Variants in CAPN11 observed in about 807,000 individuals in gnomAD.
CAPN11 encodes calpain-11.
CAPN11 carries 108 observed loss-of-function variants against 105.3 expected under a neutral mutation model. The ratio of observed to expected loss-of-function variants is 1.03; its 90% confidence interval spans 0.88 to 1.20. The LOEUF (loss-of-function observed/expected upper bound fraction) is 1.20. CAPN11 is among the 50% of genes most tolerant of loss of function. The probability of loss-of-function intolerance (pLI) is 0.00; values close to 1 mark genes in which losing one functional copy is unlikely to be tolerated. For missense variants in CAPN11, 883 were observed against 924.8 expected (o/e 0.95, Z 0.59); for synonymous variants, 329 against 344.5 (o/e 0.96, Z 0.50).
At position 44,177,441 on chromosome 6, in the gene CAPN11, G is replaced by A. The variant is rs571456466; in HGVS notation, c.1416+21G>A. 3.4e-4 allele frequency: 546 copies of A among 1,584,278 alleles called. 5 individuals carry two copies. The South Asian group carries it at 4.7e-3, about 14-fold the overall frequency. On this transcript the variant is annotated intron_variant, in intron 12 of 22. Transcript: ENST00000398776. ...ACGCGGTGGGTGCCTGGCTGGTCTC[G>A]CCCGCCACTCACTCTCCCTCACCTG...
In CAPN11 at chr6:44,173,321, C is replaced by T. The variant is rs768686523; in HGVS notation, c.766C>T (p.Gln256Ter). Residue 256 changes from glutamine to a stop codon, truncating the protein, a stop_gained, in exon 7 of 23, where the codon CAG (glutamine) becomes TAG (stop). Transcript: ENST00000398776. LOFTEE classifies it high-confidence loss of function. Reference sequence around the variant, plus strand: ...GAGCTTCCAACTCCAGAGGCCCCCTCAGAACCTGCTCAGGCTCCTTAGGAA... The same window carrying T: ...GAGCTTCCAACTCCAGAGGCCCCCTTAGAACCTGCTCAGGCTCCTTAGGAA... Reference protein sequence around the residue: ...AQSFQLQRPPQNLLRLLRKAV... With the variant: ...AQSFQLQRPP The T allele has an allele frequency of 1.2e-6, 2 of 1,613,942 alleles. No individual in the cohort carries two copies. The highest frequency in any genetic ancestry group is 1.7e-6 in the Non-Finnish European group (2 of 1,179,872).
chr6:44,172,596 T>A (rs1771200789), intron 5 of CAPN11, among the ~76,000 whole-genome samples, 176 bp downstream of exon 5: 1 of 152,202 alleles, frequency 6.6e-6, no homozygotes, highest in African/African-American at 2.4e-5. Context: ...ATTTTTTAAG[T>A]CCCAAAAGAA....
At chr6:44,163,575 A>G (rs555483317) in intron 1 of CAPN11, among the ~76,000 whole-genome samples, 1 of 152,162 alleles carries the variant, frequency 6.6e-6, no homozygotes, top group Non-Finnish European at 1.5e-5. Flanking sequence ...TTCTCTGTCT[A>G]TAGCAGGGAA....
At chr6:44,180,281 C>G in intron 14 of CAPN11, 118 bp downstream of exon 14, 1 of 931,408 alleles carries the variant, frequency 1.1e-6, no homozygotes, top group Non-Finnish European at 1.6e-6. Context: ...GTCAGGGAAA[C>G]TGAGGCATGA....
chr6:44,171,062 G>A (rs958265689), intron 4 of CAPN11, among the ~76,000 whole-genome samples: 1 of 152,152 alleles, frequency 6.6e-6, no homozygotes, highest in Admixed American at 6.5e-5. Flanking sequence ...AGGGACAATG[G>A]GCTGGAGGAG....
Position 44,177,416 on chromosome 6 carries a change from A to G in CAPN11, c.1412A>G (p.Tyr471Cys), listed in dbSNP as rs748730151. 6 of 1,609,930 alleles carry G rather than the reference A, an allele frequency of 3.7e-6. No homozygotes were observed. Among genetic ancestry groups the G allele is most frequent in the South Asian group, 3.3e-5 (3 of 90,948 alleles). ...AQLQTIGFVL[Y>C]AVPKEFQNIQ... ...CTGCAGACCATTGGCTTTGTCCTCT[A>G]CGCGGTGGGTGCCTGGCTGGTCTCG... The change falls in exon 12 of 23, where the codon TAC becomes TGC. Residue 471 changes from tyrosine (Y) to cysteine (C), a missense_variant. Transcript: ENST00000398776.
intron 13 of CAPN11, 121 bp from the exon 14 acceptor site, chr6:44,179,831 G>A (rs1000112673): frequency 2.2e-6 from 2 of 910,584 alleles, no homozygotes; most frequent in Non-Finnish European, 3.6e-6. Flanking sequence ...TGGTGTCCAG[G>A]CCAGGTCAGT....
Position 44,183,109 on chromosome 6 carries a change from C to T in CAPN11, c.2018-10C>T, listed in dbSNP as rs773775662. 4.4e-6 allele frequency: 7 copies of T among 1,606,878 alleles called. No homozygotes were observed. The highest frequency in any genetic ancestry group is 6.0e-6 in the Non-Finnish European group (7 of 1,173,802). On this transcript the variant is annotated splice_polypyrimidine_tract_variant and intron_variant, in intron 20 of 22. Coordinates refer to ENST00000398776, the MANE Select transcript of CAPN11 (RefSeq NM_007058.4). ...CTTTTCCCCTCCCCACTTCTCTCTCCCTCTCTCAGGCATCAAGCTGAACAA... is the reference window on the plus strand; with the variant it reads ...CTTTTCCCCTCCCCACTTCTCTCTCTCTCTCTCAGGCATCAAGCTGAACAA...
At position 44,177,317 on chromosome 6, in the gene CAPN11, ATGT is replaced by A; in HGVS notation, c.1317_1319del (p.Val441del). On this transcript the variant is annotated inframe_deletion, in exon 12 of 23. Transcript: ENST00000398776. ...GACCCAGAGGATGACGCAGAGGGCA[ATGT>A]TGTGGTCTGCACCTGCCTGGTGGCC... The A allele has an allele frequency of 6.2e-7, 1 of 1,613,872 alleles. No homozygotes were observed. Among genetic ancestry groups the A allele is most frequent in the South Asian group, 1.1e-5 (1 of 91,064 alleles).
chr6:44,173,459 G>T (rs572284322), intron 7 of CAPN11, 73 bp downstream of exon 7: 8 of 924,674 alleles, frequency 8.7e-6, no homozygotes, highest in Non-Finnish European at 1.2e-5. Context: ...TCTTCCCCCA[G>T]TATCTGCACG....
chr6:44,180,553 A>G, intron 15 of CAPN11, 44 bp from the exon 16 acceptor site: 1 of 1,613,804 alleles, frequency 6.2e-7, no homozygotes, highest in South Asian at 1.1e-5. Context: ...GGCCTGTGAA[A>G]GAAGTTTTCT....
rs200531018 is a variant in CAPN11 at position 44,169,357 on chromosome 6, C to T, written c.165C>T (p.His55=). The part of the protein sequence containing the change: ...SRLKAKGVGQ[H]DNAQNFGNQS... ...TCAAGGCCAAGGGCGTGGGCCAGCA[C>T]GACAACGCCCAGAACTTTGGTAACC... Residue 55 remains histidine (H), a synonymous_variant, in exon 3 of 23, where the codon CAC becomes CAT. Coordinates refer to ENST00000398776, the MANE Select transcript of CAPN11 (RefSeq NM_007058.4). 21 of 1,614,002 alleles carry T rather than the reference C, an allele frequency of 1.3e-5. No homozygotes were observed. The highest frequency in any genetic ancestry group is 3.3e-4 in the Middle Eastern group (2 of 6,062).
chr6:44,158,908 G>A (rs1408846683), intron 1 of CAPN11, 44 bp downstream of exon 1: 4 of 1,528,064 alleles, frequency 2.6e-6, no homozygotes, highest in Non-Finnish European at 3.5e-6. Context: ...ACCTCCTGCA[G>A]GCTAGAGCCT....
At chr6:44,181,165 G>A in intron 18 of CAPN11, 87 bp from the exon 19 acceptor site, 1 of 1,303,006 alleles carries the variant, frequency 7.7e-7, no homozygotes, top group Non-Finnish European at 1.1e-6. Context: ...CCCAGGGCTT[G>A]TGTGTCCCCT....
At chr6:44,182,872 C>A (rs1296160043) in intron 19 of CAPN11, 69 bp from the exon 20 acceptor site, 7 of 1,204,388 alleles carry the variant, frequency 5.8e-6, no homozygotes, top group African/African-American at 1.5e-5. Flanking sequence ...CCGCGCCCGG[C>A]CTCAGTATTT....
intron 19 of CAPN11, 142 bp downstream of exon 19, chr6:44,181,462 CACACACTCACATACAG>C (rs1773216992): frequency 1.9e-6 from 1 of 532,608 alleles, no homozygotes; most frequent in Non-Finnish European, 3.3e-6. Context: ...CACACACACA[CACACACTCACATACAG>C]ACACAACCAC....
intron 1 of CAPN11, among the ~76,000 whole-genome samples, chr6:44,161,501 A>G (rs1768799224): frequency 6.6e-6 from 1 of 152,176 alleles, no homozygotes; most frequent in Non-Finnish European, 1.5e-5. Context: ...TGCCCAACTT[A>G]AAGACATTTT....
At chr6:44,170,606 G>A (rs4711773) in intron 4 of CAPN11, among the ~76,000 whole-genome samples, 45,765 of 152,162 alleles carry the variant, frequency 0.3, 8,661 homozygotes, top group Non-Finnish European at 0.42. Context: ...TTCTGACCTA[G>A]TCTCAGGAGT....
chr6:44,183,125 A>C lies in CAPN11; in HGVS notation c.2024A>C (p.Lys675Thr), dbSNP rs1774073984. The change falls in exon 21 of 23, where the codon AAG becomes ACG. Residue 675 changes from lysine to threonine, a missense_variant. Coordinates refer to ENST00000398776, the MANE Select transcript of CAPN11 (RefSeq NM_007058.4). ...TTCTCTCTCCCTCTCTCAGGCATCA[A>C]GCTGAACAACAAGGTAATGCAGGTC... ...MRLVIEKAGI[K>T]LNNKVMQVLV... 6.2e-7 allele frequency: 1 copy of C among 1,612,420 alleles called. No homozygotes were observed. Among genetic ancestry groups the C allele is most frequent in the East Asian group, 2.2e-5 (1 of 44,880 alleles).
Sources: gnomAD v4.1 joint callset for allele counts (sites outside exome capture counted in the v4.1 genomes callset) on GRCh38, gnomAD v4.1.1 for gene constraint, MANE v1.5 for transcripts, NCBI Gene and HGNC (gene_info 2026-07-23, HGNC 2026-07-21) for gene names.